Variants in RNF38 observed in about 807,000 individuals in gnomAD.
RNF38 encodes ring finger protein 38, also known as E3 ubiquitin-protein ligase RNF38.
RNF38 carries 15 observed loss-of-function variants against 67.2 expected under a neutral mutation model. The observed-to-expected ratio is 0.22, with a 90% CI of 0.15 to 0.34. The LOEUF is 0.34. Ranked by LOEUF, RNF38 falls within the 10% of genes least tolerant of loss-of-function variation. RNF38 has a pLI of 1.00. For synonymous variants in RNF38, 220 were observed against 218.8 expected (o/e 1.01, Z -0.05); for missense variants, 524 against 639.9 (o/e 0.82, Z 1.95).
At chr9:36,402,675 C>T (rs1838082625), upstream of RNF38, among the ~76,000 whole-genome samples, 1 of 152,090 alleles carries the variant, frequency 6.6e-6, no homozygotes, top group Non-Finnish European at 1.5e-5. Context: ...AAGTGCTGAA[C>T]TCAGCAGCAA....
At chr9:36,396,838 G>T (rs1282357917) in intron 1 of RNF38, among the ~76,000 whole-genome samples, 6 of 151,312 alleles carry the variant, frequency 4.0e-5, no homozygotes, top group Admixed American at 2.0e-4. Context: ...CAAACACTGG[G>T]TAGAACTGAC....
At chr9:36,464,343 C>T (rs531440236) in intron 1 of RNF38, among the ~76,000 whole-genome samples, 7 of 151,984 alleles carry the variant, frequency 4.6e-5, no homozygotes, top group South Asian at 2.1e-4. Flanking sequence ...CCAAGGCAGG[C>T]GGATCACAAG....
intron 3 of RNF38, among the ~76,000 whole-genome samples, chr9:36,373,769 C>T (rs1835571420): frequency 2.6e-5 from 4 of 151,984 alleles, no homozygotes; most frequent in Non-Finnish European, 5.9e-5. Context: ...AGCCACCGCA[C>T]CCGGCCTTGC....
intron 1 of RNF38, among the ~76,000 whole-genome samples, chr9:36,454,240 C>T (rs1839529905): frequency 6.6e-6 from 1 of 151,980 alleles, no homozygotes; most frequent in African/African-American, 2.4e-5. Flanking sequence ...TCTCCTGCCT[C>T]AGCCTCTGTT....
At chr9:36,398,795 G>A (rs1417119144) in intron 1 of RNF38, among the ~76,000 whole-genome samples, 7 of 152,276 alleles carry the variant, frequency 4.6e-5, no homozygotes, top group Middle Eastern at 3.4e-3. Flanking sequence ...AATGGTGGTG[G>A]CCTAAACCAA....
intron 1 of RNF38, among the ~76,000 whole-genome samples, chr9:36,452,691 C>T (rs1839483778): frequency 6.6e-6 from 1 of 152,054 alleles, no homozygotes; most frequent in Non-Finnish European, 1.5e-5. Context: ...CGCCACCATG[C>T]CCAGCTAATT....
chr9:36,360,033 C>G (rs1450489882), intron 4 of RNF38, among the ~76,000 whole-genome samples: 1 of 152,138 alleles, frequency 6.6e-6, no homozygotes, highest in Non-Finnish European at 1.5e-5. Context: ...GCGTGAGCCA[C>G]CGTGCCTGAC....
intron 1 of RNF38, among the ~76,000 whole-genome samples, chr9:36,391,098 T>C (rs1217236876): frequency 3.9e-5 from 6 of 152,340 alleles, no homozygotes; most frequent in Middle Eastern, 3.4e-3. Context: ...AAATTTTCTA[T>C]AGCAAACATA....
chr9:36,460,648 G>A (rs920768367), intron 1 of RNF38, among the ~76,000 whole-genome samples: 1 of 152,128 alleles, frequency 6.6e-6, no homozygotes, highest in African/African-American at 2.4e-5. Context: ...AGCACTTTGG[G>A]AGGCCAAGGC....
In RNF38 at chr9:36,379,747, G is replaced by A. The variant is rs534936812; in HGVS notation, c.163-3620C>T. Among the ~76,000 whole-genome samples, 3 of 152,238 alleles carry A rather than the reference G, an allele frequency of 2.0e-5. No homozygotes were observed. The South Asian group carries it at 6.2e-4, about 32-fold the overall frequency. The stretch of plus-strand genomic sequence containing the variant: ...TTAGAACAAGAAGTCAGAGGGCTCC[G>A]AGAAAAATGCCCTAAATAGAATCAA... On this transcript the variant is annotated intron_variant, in intron 2 of 11. Coordinates refer to ENST00000259605, the MANE Select transcript of RNF38 (RefSeq NM_022781.5).
At chr9:36,400,957 C>A (rs776296975), upstream of RNF38, 7 of 984,802 alleles carry the variant, frequency 7.1e-6, no homozygotes, top group African/African-American at 8.8e-5. Flanking sequence ...GATCACAGAC[C>A]CGGGCTCCCT....
At position 36,338,588 on chromosome 9, in the gene RNF38, A is replaced by G. The variant is rs1278623371; in HGVS notation, c.*1164T>C. ...ACAGAAATAGAGTTTTCTTAAAACA[A>G]TTGAGTTGCCCACAGGAGCTTGAAC... On this transcript the variant is annotated 3_prime_UTR_variant, in exon 12 of 12. Transcript: ENST00000259605. The G allele has an allele frequency of 6.6e-6, 1 of 152,278 alleles. No individual in the cohort carries two copies. Among genetic ancestry groups the G allele is most frequent in the Non-Finnish European group, 1.5e-5 (1 of 68,024 alleles). 9.4% of individuals were successfully genotyped at this position (152,278 alleles called of 1,614,324 possible).
intron 1 of RNF38, among the ~76,000 whole-genome samples, chr9:36,485,093 A>C (rs1840372543): frequency 2.6e-5 from 4 of 152,298 alleles, no homozygotes; most frequent in Admixed American, 2.6e-4. Flanking sequence ...GGTGTGAACC[A>C]GGGAGGCGGA....
intron 1 of RNF38, among the ~76,000 whole-genome samples, chr9:36,481,333 G>A (rs769756935): frequency 1.4e-4 from 21 of 152,188 alleles, no homozygotes; most frequent in Non-Finnish European, 2.1e-4. Flanking sequence ...TTTTGATAGC[G>A]TAACTATTGA....
At chr9:36,415,916 G>A (rs529153403) in intron 2 of RNF38, among the ~76,000 whole-genome samples, 21 of 151,950 alleles carry the variant, frequency 1.4e-4, no homozygotes, top group Admixed American at 5.9e-4. Context: ...ATGAGTTGCT[G>A]TAATGGCTTC....
At chr9:36,458,862 T>C (rs1321829989) in intron 1 of RNF38, among the ~76,000 whole-genome samples, 2 of 152,164 alleles carry the variant, frequency 1.3e-5, no homozygotes, top group African/African-American at 4.8e-5. Flanking sequence ...CTGACCAACA[T>C]ATCGCCACAT....
chr9:36,384,806 T>G (rs1350118488), intron 2 of RNF38, among the ~76,000 whole-genome samples: 1 of 152,264 alleles, frequency 6.6e-6, no homozygotes, highest in African/African-American at 2.4e-5. Flanking sequence ...AGCAATTTTC[T>G]TATTTTAGTT....
intron 1 of RNF38, among the ~76,000 whole-genome samples, chr9:36,392,277 C>G (rs892040350): frequency 1.3e-5 from 2 of 152,128 alleles, no homozygotes; most frequent in Non-Finnish European, 2.9e-5. Context: ...AAAAACAAAG[C>G]ACTTGAAAGC....
chr9:36,476,009 C>CAA (rs139323204), intron 1 of RNF38, among the ~76,000 whole-genome samples: 3 of 109,452 alleles, frequency 2.7e-5, no homozygotes, highest in African/African-American at 1.1e-4. Flanking sequence ...ACTCTGTTTC[C>CAA]AAAAAAAAAA....
Sources: gnomAD v4.1 joint callset for allele counts (sites outside exome capture counted in the v4.1 genomes callset) on GRCh38, gnomAD v4.1.1 for gene constraint, MANE v1.5 for transcripts, NCBI Gene and HGNC (gene_info 2026-07-23, HGNC 2026-07-21) for gene names.